DSE: variants seen among roughly 807,000 people sequenced by gnomAD.
DSE encodes dermatan sulfate epimerase.
In DSE, 36 loss-of-function variants were observed where a neutral mutation model predicts 84.4. The observed-to-expected ratio is 0.43, with a 90% CI of 0.33 to 0.56. The LOEUF is 0.56. DSE is among the 20% of genes least tolerant of loss of function. The probability of loss-of-function intolerance (pLI) is 0.06; values close to 1 mark genes in which losing one functional copy is unlikely to be tolerated. For missense variants in DSE, 862 were observed against 1,169.6 expected, an observed-to-expected ratio of 0.74 and a Z score of 3.84; for synonymous variants, 410 against 430.1, an observed-to-expected ratio of 0.95 and a Z score of 0.58.
chr6:116,430,380 A>G (rs1783746607), intron 3 of DSE, among the ~76,000 whole-genome samples: 1 of 152,260 alleles, frequency 6.6e-6, no homozygotes, highest in Non-Finnish European at 1.5e-5. Flanking sequence ...AATATTTTCA[A>G]GTATTATATT....
At chr6:116,430,057 T>C (rs1250243108) in intron 3 of DSE, among the ~76,000 whole-genome samples, 1 of 152,252 alleles carries the variant, frequency 6.6e-6, no homozygotes, top group Non-Finnish European at 1.5e-5. Flanking sequence ...TAACTTGTTA[T>C]AGACTTAATT....
At chr6:116,278,395 G>A in intron 2 of DSE, 2 of 1,275,210 alleles carry the variant, frequency 1.6e-6, no homozygotes, top group Admixed American at 3.8e-5. Flanking sequence ...AAAGGAAACA[G>A]GGTGCAGAAA....
In DSE at chr6:116,436,390, A is replaced by G. The variant is rs1784155774; in HGVS notation, c.1922A>G (p.Tyr641Cys). The G allele has an allele frequency of 1.9e-6, 3 of 1,614,066 alleles. No homozygotes were observed. Among genetic ancestry groups the G allele is most frequent in the Non-Finnish European group, 8.5e-7 (1 of 1,180,024 alleles). Residue 641 changes from tyrosine to cysteine, a missense_variant, in exon 6 of 6, where the codon TAC becomes TGC. Transcript: ENST00000644252. ...ASVTYPRGYP[Y>C]NGTNYVNVTM... ...GTGACATATCCTCGGGGCTATCCCT[A>G]CAATGGGACAAACTATGTGAATGTC...
chr6:116,339,072 T>A (rs1419614774), intron 2 of DSE, among the ~76,000 whole-genome samples: 3 of 150,688 alleles, frequency 2.0e-5, no homozygotes, highest in African/African-American at 7.5e-5. Flanking sequence ...GATAAATGAG[T>A]TGGTCTTCTT....
chr6:116,390,090 T>A (rs1051199845), intron 1 of DSE, among the ~76,000 whole-genome samples: 5 of 152,030 alleles, frequency 3.3e-5, no homozygotes, highest in African/African-American at 7.2e-5. Flanking sequence ...TTTTATTATT[T>A]TTTTTTTGAG....
chr6:116,399,799 T>C, intron 2 of DSE, 133 bp downstream of exon 2: 2 of 860,354 alleles, frequency 2.3e-6, no homozygotes, highest in Non-Finnish European at 3.5e-6. Flanking sequence ...TATTTGTTAT[T>C]TGTGTTGCCA....
intron 2 of DSE, among the ~76,000 whole-genome samples, chr6:116,298,977 A>G (rs1023659855): frequency 5.3e-5 from 8 of 152,200 alleles, no homozygotes; most frequent in African/African-American, 1.7e-4. Flanking sequence ...GTGCATATCT[A>G]TGATGATACT....
intron 2 of DSE, among the ~76,000 whole-genome samples, chr6:116,401,484 C>G (rs1035259685): frequency 1.6e-4 from 24 of 152,082 alleles, no homozygotes; most frequent in African/African-American, 3.9e-4. Flanking sequence ...AAGGTAAAAT[C>G]TTGAGAATTT....
chr6:116,344,564 C>CT (rs141009497), intron 2 of DSE, among the ~76,000 whole-genome samples: 115,063 of 152,058 alleles, frequency 0.76, 44,809 homozygotes, highest in East Asian at 1. Context: ...AAATAAAATC[C>CT]TTTCAGACAA....
intron 2 of DSE, among the ~76,000 whole-genome samples, chr6:116,414,632 G>A (rs566911479): frequency 1.6e-4 from 24 of 152,058 alleles, no homozygotes; most frequent in African/African-American, 4.6e-4. Flanking sequence ...GGCTGGTCTC[G>A]AACTCCCGAC....
chr6:116,426,055 A>G (rs150681949), intron 2 of DSE, among the ~76,000 whole-genome samples: 4 of 152,342 alleles, frequency 2.6e-5, no homozygotes, highest in East Asian at 1.9e-4. Flanking sequence ...GTGATGACCA[A>G]GTGGGTCTGT....
chr6:116,354,513 C>T (rs551253637), intron 2 of DSE, among the ~76,000 whole-genome samples: 66 of 152,294 alleles, frequency 4.3e-4, no homozygotes, highest in Non-Finnish European at 8.8e-4. Flanking sequence ...TCTGGCCTTA[C>T]AAGCACTTCA....
rs145556317 is a variant in DSE, at chr6:116,267,371, C to T, written c.-54+8404C>T. ...GGTAGAAGACAGTGATATTGATAATCGGGAGCATGGCTATGCCTAGGCTAA... is the reference window on the plus strand; with the variant it reads ...GGTAGAAGACAGTGATATTGATAATTGGGAGCATGGCTATGCCTAGGCTAA... On this transcript the variant is annotated intron_variant, in intron 2 of 3. Transcript: ENST00000430252. 8.2e-3 allele frequency among the ~76,000 whole-genome samples: 1,245 copies of T among 151,840 alleles called. 26 individuals carry two copies. Among genetic ancestry groups the T allele is most frequent in the South Asian group, 0.05 (240 of 4,810 alleles).
chr6:116,349,929 G>C (rs1316664701), intron 2 of DSE, among the ~76,000 whole-genome samples: 1 of 152,048 alleles, frequency 6.6e-6, no homozygotes, highest in Non-Finnish European at 1.5e-5. Context: ...TTTACAGAGA[G>C]AATTTGTCTC....
chr6:116,434,794 A>G (rs1011247445), intron 5 of DSE, among the ~76,000 whole-genome samples: 1 of 152,244 alleles, frequency 6.6e-6, no homozygotes, highest in African/African-American at 2.4e-5. Flanking sequence ...GAAACAGTCA[A>G]TATCAAACAC....
chr6:116,287,286 A>G (rs1187905800), intron 2 of DSE, among the ~76,000 whole-genome samples: 4 of 152,100 alleles, frequency 2.6e-5, no homozygotes, highest in Non-Finnish European at 4.4e-5. Context: ...ACTTTCAGTA[A>G]ATTTTGTGAA....
Position 116,435,933 on chromosome 6 carries a change from G to A in DSE, c.1465G>A (p.Ala489Thr). 1.2e-6 allele frequency: 2 copies of A among 1,614,130 alleles called. No individual in the cohort carries two copies. The highest frequency in any genetic ancestry group is 1.7e-6 in the Non-Finnish European group (2 of 1,180,014). The change falls in exon 6 of 6, where the codon GCT becomes ACT. Residue 489 changes from alanine to threonine, a missense_variant. By Grantham distance (58) the Ala-to-Thr change is moderately conservative. Around this residue, in one of 4 missense-constraint regions of DSE, gnomAD observed 186 missense variants for 255.1 expected, o/e 0.73. Coordinates refer to ENST00000644252, the MANE Select transcript of DSE (RefSeq NM_013352.4). Reference sequence around the variant, plus strand: ...CAACAATGTTTTGATGTTTTCCCCAGCTGTGTCAAAGAGCTGCTTTTCTCC... The same window carrying A: ...CAACAATGTTTTGATGTTTTCCCCAACTGTGTCAAAGAGCTGCTTTTCTCC... The part of the protein sequence containing the change: ...FFNNVLMFSP[A>T]VSKSCFSPWV...
chr6:116,406,912 A>T (rs1412879265), intron 2 of DSE, among the ~76,000 whole-genome samples: 1 of 152,196 alleles, frequency 6.6e-6, no homozygotes, highest in African/African-American at 2.4e-5. Flanking sequence ...GATGGCTTGG[A>T]AGGAATGACT....
At chr6:116,290,077 A>G (rs1324222437) in intron 2 of DSE, among the ~76,000 whole-genome samples, 1 of 152,120 alleles carries the variant, frequency 6.6e-6, no homozygotes, top group Non-Finnish European at 1.5e-5. Context: ...GAAATCCCAG[A>G]GATATCAGGT....
Sources: gnomAD v4.1 joint callset for allele counts (sites outside exome capture counted in the v4.1 genomes callset) on GRCh38, gnomAD v4.1.1 for gene constraint, gnomAD v4.1.1 regional missense constraint, MANE v1.5 for transcripts, NCBI Gene and HGNC (gene_info 2026-07-23, HGNC 2026-07-21) for gene names.